The following SLC7A11 variants were observed in gnomAD, a reference collection of about 807,000 sequenced individuals.
SLC7A11 encodes the protein cystine/glutamate transporter.
A neutral mutation model predicts 54.5 loss-of-function variants in SLC7A11; 35 were observed. The ratio of observed to expected loss-of-function variants is 0.64; its 90% CI spans 0.49 to 0.85. SLC7A11 has a LOEUF of 0.85. Among genes scored for constraint, SLC7A11 ranks in the 40% least tolerant of loss-of-function variants. The pLI, the probability that SLC7A11 is intolerant of heterozygous loss-of-function variation, is 0.00. For synonymous variants in SLC7A11, 230 were observed against 225.2 expected (o/e 1.02, Z -0.19); for missense variants, 583 against 618.1 (o/e 0.94, Z 0.60).
chr4:138,224,687 A>C (rs566570565), intron 3 of SLC7A11, among the ~76,000 whole-genome samples: 1 of 152,238 alleles, frequency 6.6e-6, no homozygotes, highest in East Asian at 1.9e-4. Context: ...GCCACTTAAA[A>C]TTATGAGGCA....
rs1334456644 is a variant in SLC7A11, at chr4:138,170,116, C to T, written c.*1840G>A. ...GACAAAAATTAAAGGATGAAACATACTCTGGCCATGACTAACCATTTTACC... is the reference window on the plus strand; with the variant it reads ...GACAAAAATTAAAGGATGAAACATATTCTGGCCATGACTAACCATTTTACC... On this transcript the variant is annotated 3_prime_UTR_variant, in exon 12 of 12. Transcript: ENST00000280612. 1.3e-5 allele frequency: 2 copies of T among 149,130 alleles called. No individual in the cohort carries two copies. The highest frequency in any genetic ancestry group is 4.9e-5 in the African/African-American group (2 of 40,774). The allele number at this position is 149,130 out of a possible 1,614,324, so 9.2% of individuals were successfully genotyped here. A position where few individuals can be genotyped will look rare whatever the true frequency, so the allele number is the denominator to read the frequency against.
intron 6 of SLC7A11, among the ~76,000 whole-genome samples, chr4:138,190,520 G>GA (rs1736984525): frequency 2.0e-5 from 3 of 151,982 alleles, no homozygotes; most frequent in African/African-American, 7.2e-5. Context: ...CAGAAATGAC[G>GA]CAAACATCTC....
intron 1 of SLC7A11, among the ~76,000 whole-genome samples, chr4:138,237,017 A>C (rs1253708263): frequency 8.5e-6 from 1 of 117,270 alleles, no homozygotes; most frequent in Non-Finnish European, 1.6e-5. Flanking sequence ...ACGGAGTCTC[A>C]CTCTGTCGCC....
intron 6 of SLC7A11, among the ~76,000 whole-genome samples, chr4:138,209,438 C>T: frequency 6.6e-6 from 1 of 151,988 alleles, no homozygotes; most frequent in African/African-American, 2.4e-5. Flanking sequence ...ATGCAAATTA[C>T]ACATCTGGGC....
At chr4:138,182,553 T>G (rs772953907) in intron 8 of SLC7A11, among the ~76,000 whole-genome samples, 160 bp from the exon 9 acceptor site, 5 of 152,112 alleles carry the variant, frequency 3.3e-5, no homozygotes, top group Non-Finnish European at 7.4e-5. Context: ...TGGAGAAATA[T>G]CATAGGAAAT....
intron 6 of SLC7A11, among the ~76,000 whole-genome samples, chr4:138,209,297 C>T (rs1737484757): frequency 6.6e-6 from 1 of 151,902 alleles, no homozygotes; most frequent in Admixed American, 6.6e-5. Flanking sequence ...CATGTTGCCG[C>T]ACACCTGGAC....
rs1314966314 is a variant in SLC7A11, at chr4:138,171,934, C to G, written c.*22G>C. Reference sequence around the variant, plus strand: ...TTTGTGTCTCCCCTTGGGCAGATTGCCAAGATCTCAAGTCCATTAGTTCAT... The same window carrying G: ...TTTGTGTCTCCCCTTGGGCAGATTGGCAAGATCTCAAGTCCATTAGTTCAT... On this transcript the variant is annotated 3_prime_UTR_variant, in exon 12 of 12. Coordinates refer to ENST00000280612, the MANE Select transcript of SLC7A11 (RefSeq NM_014331.4). 1.9e-6 allele frequency: 3 copies of G among 1,574,188 alleles called. No homozygotes were observed. In the African/African-American group the frequency reaches 4.2e-5, roughly 22 times the overall value.
At chr4:138,224,820 AAGGAAGGAAG>A (rs1560736879) in intron 3 of SLC7A11, among the ~76,000 whole-genome samples, 483 of 14,616 alleles carry the variant, frequency 0.033, 3 homozygotes, top group African/African-American at 0.07. Flanking sequence ...GGATGAAAGG[AAGGAAGGAAG>A]GAAGGAAGGA....
intron 6 of SLC7A11, among the ~76,000 whole-genome samples, chr4:138,200,888 T>A (rs1478835537): frequency 1.3e-5 from 2 of 152,148 alleles, no homozygotes; most frequent in East Asian, 3.9e-4. Context: ...ACGGGTAATA[T>A]GATAATTGAA....
rs1229314637 is a variant in SLC7A11, at chr4:138,242,065, AC to A, written c.4del (p.Val2SerfsTer39). 6.2e-7 allele frequency: 1 copy of A among 1,613,926 alleles called. No homozygotes were observed. Among genetic ancestry groups the A allele is most frequent in the South Asian group, 1.1e-5 (1 of 91,072 alleles). On this transcript the variant is annotated frameshift_variant, in exon 1 of 12. Coordinates refer to ENST00000280612, the MANE Select transcript of SLC7A11 (RefSeq NM_014331.4). LOFTEE classifies it high-confidence loss of function. ...GATGGTGGACACAACAGGCTTTCTG[AC>A]CATAGTAGGGACACACGGGGGAAAA... M[V>X]RKPVVSTISK...
intron 6 of SLC7A11, among the ~76,000 whole-genome samples, chr4:138,203,188 A>G (rs538317457): frequency 6.6e-6 from 1 of 152,162 alleles, no homozygotes; most frequent in South Asian, 2.1e-4. Context: ...ATATTCAGTA[A>G]TCTAAAAAGA....
intron 6 of SLC7A11, among the ~76,000 whole-genome samples, chr4:138,213,819 T>C (rs1737615512): frequency 6.6e-6 from 1 of 152,144 alleles, no homozygotes; most frequent in Admixed American, 6.6e-5. Context: ...AGCACAATGA[T>C]TGGAACATAG....
At chr4:138,221,841 T>TA (rs1218327087) in intron 4 of SLC7A11, among the ~76,000 whole-genome samples, 1 of 152,184 alleles carries the variant, frequency 6.6e-6, no homozygotes, top group Non-Finnish European at 1.5e-5. Flanking sequence ...AGGGATAGCA[T>TA]ATAATCTTTT....
intron 6 of SLC7A11, among the ~76,000 whole-genome samples, chr4:138,212,472 T>G (rs1737572184): frequency 6.6e-6 from 1 of 151,688 alleles, no homozygotes; most frequent in African/African-American, 2.4e-5. Flanking sequence ...TATTATTATT[T>G]CCATTTTTTA....
At chr4:138,175,078 C>A (rs1272980862) in intron 11 of SLC7A11, among the ~76,000 whole-genome samples, 2 of 152,068 alleles carry the variant, frequency 1.3e-5, no homozygotes, top group Non-Finnish European at 2.9e-5. Flanking sequence ...TAGTTTGGAC[C>A]CCTAAGAAAT....
rs113972405 is a variant in SLC7A11 at position 138,181,037 on chromosome 4, ATGTTG to A, written c.1117-252_1117-248del. The stretch of plus-strand genomic sequence containing the variant: ...TTTATTCAAGTGGAATTCTATATGA[ATGTTG>A]TGTTGTGTTTTTAGTTCCTTTTGCA... On this transcript the variant is annotated intron_variant, in intron 9 of 11. Transcript: ENST00000280612. 3.7e-3 allele frequency among the ~76,000 whole-genome samples: 570 copies of A among 152,238 alleles called. 5 individuals are homozygous for A. Among genetic ancestry groups the A allele is most frequent in the South Asian group, 0.012 (58 of 4,822 alleles).
intron 4 of SLC7A11, among the ~76,000 whole-genome samples, chr4:138,222,708 G>T (rs1737844982): frequency 6.6e-6 from 1 of 152,114 alleles, no homozygotes; most frequent in Admixed American, 6.5e-5. Context: ...TGGTGTTTAG[G>T]AATGCTGTTC....
intron 11 of SLC7A11, among the ~76,000 whole-genome samples, chr4:138,175,441 T>TC (rs1203859333): frequency 6.6e-6 from 1 of 152,168 alleles, no homozygotes; most frequent in African/African-American, 2.4e-5. Context: ...CTGCTGTGAG[T>TC]CCTGGCCCAG....
At chr4:138,240,480 T>C (rs1319827802) in intron 1 of SLC7A11, among the ~76,000 whole-genome samples, 2 of 151,120 alleles carry the variant, frequency 1.3e-5, no homozygotes, top group African/African-American at 2.4e-5. Flanking sequence ...GGCAGGAGAA[T>C]TGCTTGAACT....
Sources: gnomAD v4.1 joint callset for allele counts (sites outside exome capture counted in the v4.1 genomes callset) on GRCh38, gnomAD v4.1.1 for gene constraint, MANE v1.5 for transcripts, NCBI Gene and HGNC (gene_info 2026-07-23, HGNC 2026-07-21) for gene names.